Variants in SELENOO observed in about 807,000 individuals in gnomAD.
The protein encoded by SELENOO is selenoprotein O, also known as protein adenylyltransferase SelO, mitochondrial.
In SELENOO, 74 loss-of-function variants were observed where a neutral mutation model predicts 58.7. That is an observed-to-expected ratio of 1.26 (90% CI 1.04 to 1.53). The LOEUF (loss-of-function observed/expected upper bound fraction) is 1.53. Ranked by LOEUF, SELENOO falls within the 40% of genes most tolerant of loss-of-function variation. The probability of loss-of-function intolerance (pLI) is 0.00; values close to 1 mark genes in which losing one functional copy is unlikely to be tolerated. For missense variants in SELENOO, 1,149 were observed against 970.0 expected (o/e 1.18, Z -2.45); for synonymous variants, 543 against 453.2 (o/e 1.20, Z -2.52).
chr22:50,217,408 GCCCC>G lies in SELENOO; in HGVS notation c.*41_*44del, dbSNP rs763000092. ...CTCCACACCCCTGGAGTCTCCCGAG[GCCCC>G]CATGTGCTGCTGAGTGGCCAAGATG... On this transcript the variant is annotated 3_prime_UTR_variant, in exon 9 of 9. Transcript: ENST00000380903. 2 of 1,601,648 alleles carry G rather than the reference GCCCC, an allele frequency of 1.2e-6. No individual in the cohort carries two copies. Among genetic ancestry groups the G allele is most frequent in the South Asian group, 2.2e-5 (2 of 89,774 alleles).
rs778917099 is a variant in SELENOO, at chr22:50,208,516, G to C, written c.759-20G>C. The C allele has an allele frequency of 1.9e-6, 3 of 1,607,506 alleles. No homozygotes were observed. Among genetic ancestry groups the C allele is most frequent in the Middle Eastern group, 1.7e-4 (1 of 6,046 alleles). On this transcript the variant is annotated intron_variant, in intron 2 of 8. Coordinates refer to ENST00000380903, the MANE Select transcript of SELENOO (RefSeq NM_031454.2). ...CTGGGGTCAGGTTTGGGCTGTTGAC[G>C]CCTCGGGTCTTCCCTCCAGGTTTGG...
intron 2 of SELENOO, among the ~76,000 whole-genome samples, chr22:50,206,907 CCCTGAG>C (rs2064336959): frequency 6.6e-6 from 1 of 152,022 alleles, no homozygotes; most frequent in Non-Finnish European, 1.5e-5. Flanking sequence ...GGGAGGGGGT[CCCTGAG>C]CCTGAGGCTG....
Position 50,217,046 on chromosome 22 carries a change from A to C in SELENOO, c.1763A>C (p.His588Pro), listed in dbSNP as rs757726503. Residue 588 changes from histidine (H) to proline (P), a missense_variant, in exon 8 of 9, where the codon CAC becomes CCC. Physicochemically the swap from His to Pro is moderately conservative, Grantham distance 77. Transcript: ENST00000380903. ...AWQAEHVRVM[H>P]ANNPKYVLRN... is the part of the protein sequence containing the mutation. ...CAGGCTGAGCACGTGCGCGTGATGC[A>C]CGCCAACAACCCGAAGTACGTGCTG... 8 of 1,612,550 alleles carry C rather than the reference A, an allele frequency of 5.0e-6. No homozygotes were observed. The highest frequency in any genetic ancestry group is 1.6e-4 in the Middle Eastern group (1 of 6,062).
At chr22:50,216,199 CCTGT>C (rs1170444724) in intron 6 of SELENOO, among the ~76,000 whole-genome samples, 1 of 152,176 alleles carries the variant, frequency 6.6e-6, no homozygotes, top group Non-Finnish European at 1.5e-5. Context: ...GAAGGGCTGC[CCTGT>C]CTGAAGAGTC....
Position 50,210,274 on chromosome 22 carries a change from C to T in SELENOO, c.1033C>T (p.Leu345Phe), listed in dbSNP as rs908933753. 4 of 1,613,324 alleles carry T rather than the reference C, an allele frequency of 2.5e-6. No homozygotes were observed. The highest frequency in any genetic ancestry group is 1.3e-5 in the African/African-American group (1 of 74,922). The change falls in exon 4 of 9, where the codon CTC becomes TTC. Residue 345 changes from leucine to phenylalanine, a missense_variant. Transcript: ENST00000380903. ...LNTDNMSILG[L>F]TIDYGPFGFL... ...CACCGACAACATGAGCATCCTGGGG[C>T]TCACCATCGACTACGGGCCCTTTGG...
In SELENOO at chr22:50,217,573, G is replaced by A. The variant is rs1026682683; in HGVS notation, c.*204G>A. On this transcript the variant is annotated 3_prime_UTR_variant, in exon 9 of 9. Transcript: ENST00000380903. ...GGCTCAGCAGTGCAGCCTGGTCCCT[G>A]GGGGCTGGACCCAGGCTCCTAAATA... 2.1e-6 allele frequency: 2 copies of A among 953,018 alleles called. No homozygotes were observed. The highest frequency in any genetic ancestry group is 5.7e-5 in the Admixed American group (2 of 35,108). The allele number at this position is 953,018 out of a possible 1,614,324, so 59.0% of individuals were successfully genotyped here.
Position 50,215,740 on chromosome 22 carries a change from T to C in SELENOO, c.1375T>C (p.Tyr459His). 6.2e-7 allele frequency: 1 copy of C among 1,605,956 alleles called. No homozygotes were observed. Among genetic ancestry groups the C allele is most frequent in the Middle Eastern group, 1.7e-4 (1 of 5,860 alleles). ...AGGTGCCGACTTCACAAACACCTTC[T>C]ACTTGCTGAGCTCCTTCCCAGTGGA... Reference protein sequence around the residue: ...LTGADFTNTFYLLSSFPVELE... With the variant: ...LTGADFTNTFHLLSSFPVELE... The change falls in exon 6 of 9, where the codon TAC becomes CAC. Residue 459 changes from tyrosine (Y) to histidine (H), a missense_variant. Tyr to His is a moderately conservative substitution (Grantham distance 83). Coordinates refer to ENST00000380903, the MANE Select transcript of SELENOO (RefSeq NM_031454.2).
rs182943414 is a variant in SELENOO at position 50,204,310 on chromosome 22, G to A, written c.555-2007G>A. ...CACACCACTGCACTTCAGCCTGGGCGACAGGGCAAGACTGTCTCGGAAAAA... is the reference window on the plus strand; with the variant it reads ...CACACCACTGCACTTCAGCCTGGGCAACAGGGCAAGACTGTCTCGGAAAAA... On this transcript the variant is annotated intron_variant, in intron 1 of 8. Coordinates refer to ENST00000380903, the MANE Select transcript of SELENOO (RefSeq NM_031454.2). Among the ~76,000 whole-genome samples, 20 of 152,224 alleles carry A rather than the reference G, an allele frequency of 1.3e-4. No individual in the cohort carries two copies. The East Asian group carries it at 3.9e-3, about 29-fold the overall frequency.
intron 2 of SELENOO, 122 bp from the exon 3 acceptor site, chr22:50,208,414 G>C (rs2064346294): frequency 5.9e-6 from 5 of 849,218 alleles, no homozygotes; most frequent in East Asian, 2.7e-5. Context: ...TGGACAACAA[G>C]AGTGAGACTC....
At chr22:50,216,001 C>G (rs1424567713) in intron 6 of SELENOO, 134 bp downstream of exon 6, 2 of 700,000 alleles carry the variant, frequency 2.9e-6, no homozygotes, top group Admixed American at 5.8e-5. Flanking sequence ...GGGACAGATT[C>G]AGTCAGGGCT....
intron 2 of SELENOO, among the ~76,000 whole-genome samples, chr22:50,207,068 G>C (rs1490239533): frequency 6.6e-6 from 1 of 152,190 alleles, no homozygotes; most frequent in African/African-American, 2.4e-5. Context: ...CCAGTTGCTC[G>C]TTGGTCTGGA....
In SELENOO at chr22:50,201,189, C is replaced by A; in HGVS notation, c.153C>A (p.Asp51Glu). Residue 51 changes from aspartate (D) to glutamate (E), a missense_variant, in exon 1 of 9, where the codon GAC becomes GAA. Asp to Glu is a conservative substitution (Grantham distance 45, BLOSUM62 2). Transcript: ENST00000380903. ...GCTGGCTGGCGGGGCTGCGCTTCGA[C>A]AACCGCGCCCTGCGCGCCCTGCCCG... ...APRWLAGLRF[D>E]NRALRALPVE... 8.2e-7 allele frequency: 1 copy of A among 1,212,766 alleles called. No homozygotes were observed. Among genetic ancestry groups the A allele is most frequent in the Non-Finnish European group, 1.0e-6 (1 of 975,748 alleles). 75.1% of individuals were successfully genotyped at this position (1,212,766 alleles called of 1,614,324 possible).
intron 1 of SELENOO, among the ~76,000 whole-genome samples, chr22:50,201,897 T>G (rs1459010999): frequency 6.6e-6 from 1 of 152,230 alleles, no homozygotes; most frequent in African/African-American, 2.4e-5. Context: ...TCCCCAGCCT[T>G]CCTCCGATCG....
At position 50,208,618 on chromosome 22, in the gene SELENOO, G is replaced by C. The variant is rs1416712585; in HGVS notation, c.841G>C (p.Val281Leu). The C allele has an allele frequency of 1.2e-6, 2 of 1,613,972 alleles. No homozygotes were observed. Among genetic ancestry groups the C allele is most frequent in the Non-Finnish European group, 1.7e-6 (2 of 1,180,018 alleles). Residue 281 changes from valine to leucine, a missense_variant, in exon 3 of 9, where the codon GTG (valine) becomes CTG (leucine). Coordinates refer to ENST00000380903, the MANE Select transcript of SELENOO (RefSeq NM_031454.2). ...GPSVGRNDIR[V>L]QLLDYVISSF... ...CAGCGTGGGGAGGAACGACATTCGA[G>C]TGCAGCTGCTCGACTATGTCATCAG... is the stretch of plus-strand genomic sequence containing the variant.
chr22:50,214,688 C>A (rs1206737958), intron 5 of SELENOO, among the ~76,000 whole-genome samples: 1 of 151,668 alleles, frequency 6.6e-6, no homozygotes, highest in Non-Finnish European at 1.5e-5. Flanking sequence ...TTGCTGGAAC[C>A]CAGGAGGCGG....
rs200107024 is a variant in SELENOO, at chr22:50,215,869, T to G, written c.1502+2T>G. 4.6e-4 allele frequency: 742 copies of G among 1,602,894 alleles called. No individual in the cohort carries two copies. Among genetic ancestry groups the G allele is most frequent in the Non-Finnish European group, 6.1e-4 (713 of 1,172,680 alleles). Reference sequence around the variant, plus strand: ...CTTCCGGCCCCAGATGGATCCCCGGTGGGTACTCAGTTCCTACTTCTTTGG... The same window carrying G: ...CTTCCGGCCCCAGATGGATCCCCGGGGGGTACTCAGTTCCTACTTCTTTGG... On this transcript the variant is annotated splice_donor_variant, in intron 6 of 8. Transcript: ENST00000380903. LOFTEE classifies it high-confidence loss of function.
At chr22:50,207,905 G>A (rs1015013370) in intron 2 of SELENOO, among the ~76,000 whole-genome samples, 6 of 146,828 alleles carry the variant, frequency 4.1e-5, no homozygotes, top group East Asian at 2.1e-4. Flanking sequence ...AAGACCTGCC[G>A]AAAACACTCC....
At chr22:50,208,123 G>C (rs1033570689) in intron 2 of SELENOO, among the ~76,000 whole-genome samples, 3 of 152,012 alleles carry the variant, frequency 2.0e-5, no homozygotes, top group Non-Finnish European at 4.4e-5. Flanking sequence ...TTCTGCTGTA[G>C]GGCTGCATGA....
In SELENOO at chr22:50,210,796, C is replaced by G; in HGVS notation, c.1236C>G (p.Ala412=). 1 of 1,613,986 alleles carries G rather than the reference C, an allele frequency of 6.2e-7. No homozygotes were observed. The highest frequency in any genetic ancestry group is 1.1e-5 in the South Asian group (1 of 91,082). Residue 412 remains alanine, a synonymous_variant, in exon 5 of 9, where the codon GCC becomes GCG. Transcript: ENST00000380903. ...CCATCCTGGCCGAGGAGTTTGACGC[C>G]GAGTTCCAAAGGCACTACCTGCAGA... is the stretch of plus-strand genomic sequence containing the variant. ...GEAILAEEFD[A]EFQRHYLQKM...
Sources: allele counts gnomAD v4.1 joint callset (sites outside exome capture counted in the v4.1 genomes callset), GRCh38; gene constraint gnomAD v4.1.1; transcripts MANE v1.5; gene names NCBI Gene and HGNC (gene_info 2026-07-23, HGNC 2026-07-21).